The following FSTL5 variants were observed in gnomAD, a reference collection of about 807,000 sequenced individuals.
FSTL5 encodes follistatin-related protein 5.
In FSTL5, 62 loss-of-function variants were observed where a neutral mutation model predicts 89.1. The ratio of observed to expected loss-of-function variants is 0.70; its 90% CI spans 0.57 to 0.86. The LOEUF (loss-of-function observed/expected upper bound fraction) is 0.86, where lower values mean the gene tolerates loss of function less well. Among genes scored for constraint, FSTL5 ranks in the 40% least tolerant of loss-of-function variants. FSTL5 has a pLI of 0.00. For synonymous variants in FSTL5, 383 were observed against 346.2 expected (o/e 1.11, Z -1.18); for missense variants, 1,057 against 1,001.6 (o/e 1.06, Z -0.75).
chr4:161,836,821 A>G (rs1204526464), intron 4 of FSTL5, among the ~76,000 whole-genome samples: 1 of 152,154 alleles, frequency 6.6e-6, no homozygotes, highest in Admixed American at 6.6e-5. Flanking sequence ...GAGATATTTA[A>G]GAGGGCAGAA....
At chr4:161,819,069 T>C (rs568648523) in intron 4 of FSTL5, among the ~76,000 whole-genome samples, 36 of 152,222 alleles carry the variant, frequency 2.4e-4, no homozygotes, top group Admixed American at 2.1e-3. Flanking sequence ...TAATTAAACA[T>C]TCTAAATATT....
chr4:161,822,605 G>A (rs1730525312), intron 4 of FSTL5, among the ~76,000 whole-genome samples: 1 of 152,184 alleles, frequency 6.6e-6, no homozygotes, highest in African/African-American at 2.4e-5. Flanking sequence ...TGCAAAGAGG[G>A]TGTCACAGCC....
At position 161,489,022 on chromosome 4, in the gene FSTL5, G is replaced by T. The variant is rs1190819703; in HGVS notation, c.1459-7853C>A. On this transcript the variant is annotated intron_variant, in intron 12 of 15. Transcript: ENST00000306100. ...TCAGAGGTTTGTCAATTTTTTTGATGAAAAAAATTATTTGAATTATTTTAA... is the reference window on the plus strand; with the variant it reads ...TCAGAGGTTTGTCAATTTTTTTGATTAAAAAAATTATTTGAATTATTTTAA... 3.3e-5 allele frequency among the ~76,000 whole-genome samples: 5 copies of T among 151,956 alleles called. No individual in the cohort carries two copies. In the East Asian group the frequency reaches 9.7e-4, roughly 29 times the overall value.
At chr4:161,824,633 C>A (rs1355954479) in intron 4 of FSTL5, among the ~76,000 whole-genome samples, 2 of 152,044 alleles carry the variant, frequency 1.3e-5, no homozygotes, top group Non-Finnish European at 2.9e-5. Context: ...TTGTAGTTTT[C>A]TTTTTAGAGG....
At chr4:161,606,872 T>C (rs765830842) in intron 7 of FSTL5, among the ~76,000 whole-genome samples, 2 of 152,184 alleles carry the variant, frequency 1.3e-5, no homozygotes, top group Admixed American at 6.5e-5. Flanking sequence ...TTTAGGGTTA[T>C]ATGGGAAGAG....
chr4:161,692,012 C>CAT (rs1465980224), intron 6 of FSTL5, among the ~76,000 whole-genome samples: 4 of 151,708 alleles, frequency 2.6e-5, no homozygotes, highest in Admixed American at 2.0e-4. Flanking sequence ...TACAAAAATA[C>CAT]ATATATATAA....
intron 2 of FSTL5, among the ~76,000 whole-genome samples, chr4:162,053,557 C>G (rs1272979846): frequency 6.6e-6 from 1 of 151,438 alleles, no homozygotes; most frequent in Non-Finnish European, 1.5e-5. Context: ...ACTATGCTCC[C>G]CCAAATTTCA....
chr4:161,437,506 GCAGTGAGCAGAGATGGCGCCACCGCACTC>G (rs1453823711), intron 15 of FSTL5, among the ~76,000 whole-genome samples: 19 of 138,200 alleles, frequency 1.4e-4, no homozygotes, highest in African/African-American at 4.4e-4. Context: ...GGCGGAGCTT[GCAGTGAGCAGAGATGGCGCCACCGCACTC>G]CAGCCTGGTG....
rs1737902123 is a variant in FSTL5 at position 161,690,568 on chromosome 4, C to T, written c.728-34074G>A. Among the ~76,000 whole-genome samples the T allele has an allele frequency of 4.6e-5, 7 of 152,162 alleles. No homozygotes were observed. In the South Asian group the frequency reaches 1.4e-3, roughly 31 times the overall value. ...CTTTGTGTATTCTAGACACAAAACT[C>T]TTATCAGACATATGATTTGTAAATA... On this transcript the variant is annotated intron_variant, in intron 6 of 15. Coordinates refer to ENST00000306100, the MANE Select transcript of FSTL5 (RefSeq NM_020116.5).
At chr4:162,019,004 T>C (rs971558862) in intron 3 of FSTL5, among the ~76,000 whole-genome samples, 4 of 152,166 alleles carry the variant, frequency 2.6e-5, no homozygotes, top group African/African-American at 9.6e-5. Context: ...ATACTTAATG[T>C]CATGTTGCAG....
chr4:162,036,998 G>C (rs1237185622), intron 2 of FSTL5, among the ~76,000 whole-genome samples: 1 of 151,754 alleles, frequency 6.6e-6, no homozygotes, highest in African/African-American at 2.4e-5. Context: ...AAAGTCCATA[G>C]ATATTATGTT....
chr4:161,398,798 T>G (rs1731085600), intron 15 of FSTL5, among the ~76,000 whole-genome samples: 1 of 152,082 alleles, frequency 6.6e-6, no homozygotes, highest in African/African-American at 2.4e-5. Context: ...TGTCTGCCCC[T>G]TGTGATACTA....
chr4:161,646,017 C>G (rs953476766), intron 7 of FSTL5, among the ~76,000 whole-genome samples: 11 of 151,388 alleles, frequency 7.3e-5, no homozygotes, highest in South Asian at 6.2e-4. Flanking sequence ...CTAATACACT[C>G]TATATTAAAA....
chr4:161,705,359 C>A (rs915541742), intron 6 of FSTL5, among the ~76,000 whole-genome samples: 7 of 151,766 alleles, frequency 4.6e-5, no homozygotes, highest in Admixed American at 2.6e-4. Flanking sequence ...AATATTTTTC[C>A]TAAAAGAAAA....
intron 8 of FSTL5, among the ~76,000 whole-genome samples, chr4:161,580,966 C>T (rs1217460515): frequency 6.6e-6 from 1 of 152,100 alleles, no homozygotes; most frequent in African/African-American, 2.4e-5. Flanking sequence ...ATACTGTCTG[C>T]TGTGGGGCCT....
At chr4:162,045,969 T>C (rs1738157870) in intron 2 of FSTL5, among the ~76,000 whole-genome samples, 5 of 152,186 alleles carry the variant, frequency 3.3e-5, no homozygotes, top group Admixed American at 3.3e-4. Context: ...GCATTTTTCA[T>C]ATATATGAGA....
intron 4 of FSTL5, among the ~76,000 whole-genome samples, chr4:161,788,220 A>G (rs544108235): frequency 6.8e-4 from 103 of 152,344 alleles, no homozygotes; most frequent in African/African-American, 2.3e-3. Context: ...GGTAAGTAGT[A>G]TATCCATCAC....
intron 8 of FSTL5, among the ~76,000 whole-genome samples, chr4:161,566,076 A>T (rs1732790653): frequency 2.2e-5 from 2 of 92,172 alleles, no homozygotes; most frequent in Admixed American, 1.3e-4. Context: ...GCCAACATCT[A>T]TTGTTTTTTT....
At chr4:162,146,931 G>A (rs527889574) in intron 1 of FSTL5, among the ~76,000 whole-genome samples, 30 of 151,874 alleles carry the variant, frequency 2.0e-4, no homozygotes, top group African/African-American at 6.5e-4. Context: ...ACAGGCGCAC[G>A]CCACCATGCC....
Sources: allele counts gnomAD v4.1 joint callset (sites outside exome capture counted in the v4.1 genomes callset), GRCh38; gene constraint gnomAD v4.1.1; transcripts MANE v1.5; gene names NCBI Gene and HGNC (gene_info 2026-07-23, HGNC 2026-07-21).